RASA4B: variants seen among roughly 807,000 people sequenced by gnomAD.
RASA4B encodes RAS p21 protein activator 4B.
In RASA4B, 2 loss-of-function variants were observed where a neutral mutation model predicts 24.2. The observed-to-expected ratio is 0.08, with a 90% CI of 0.03 to 0.26. The LOEUF is 0.26. RASA4B is among the 10% of genes least tolerant of loss of function. The pLI is 1.00. For missense variants in RASA4B, 8 were observed against 277.2 expected, an observed-to-expected ratio of 0.03 and a Z score of 6.90; for synonymous variants, 2 against 125.6, an observed-to-expected ratio of 0.02 and a Z score of 6.58.
rs1405764504 is a variant in RASA4B, at chr7:102,482,039, C to CG, written c.*1552dup. 7.0e-6 allele frequency among the ~76,000 whole-genome samples: 1 copy of CG among 143,750 alleles called. No homozygotes were observed. The highest frequency in any genetic ancestry group is 1.6e-5 in the Non-Finnish European group (1 of 64,098). 94.3% of individuals were successfully genotyped at this position (143,750 alleles called of 152,430 possible). ...AGGAGGCTTTAGAGTGGGGGGCAAC[C>CG]GGGGGAGGAAGGAGGTTGGCTGAGC... On this transcript the variant is annotated 3_prime_UTR_variant, in exon 21 of 21. Transcript: ENST00000465829.
chr7:102,497,909 G>A (rs1259648865), intron 8 of RASA4B, among the ~76,000 whole-genome samples: 8 of 72,476 alleles, frequency 1.1e-4, no homozygotes, highest in Non-Finnish European at 1.2e-4. Flanking sequence ...GATGGGAACT[G>A]GGGGAATGGG....
chr7:102,481,136 CAGT>C lies in RASA4B; in HGVS notation c.*2453_*2455del, dbSNP rs1224740831. On this transcript the variant is annotated 3_prime_UTR_variant, in exon 21 of 21. Transcript: ENST00000465829. The stretch of plus-strand genomic sequence containing the variant: ...TTTTAACCATTTTAAGTGTTTAACT[CAGT>C]GGTGTTAATTACATTCACAATGTGT... Among the ~76,000 whole-genome samples the C allele has an allele frequency of 4.0e-5, 4 of 98,796 alleles. No individual in the cohort carries two copies. Among genetic ancestry groups the C allele is most frequent in the Admixed American group, 1.1e-4 (1 of 9,390 alleles). The allele number at this position is 98,796 out of a possible 152,430, so 64.8% of individuals were successfully genotyped here.
rs182807248 is a variant in RASA4B, at chr7:102,480,248, A to G, written c.*3344T>C. Among the ~76,000 whole-genome samples, 1 of 152,202 alleles carries G rather than the reference A, an allele frequency of 6.6e-6. No homozygotes were observed. The highest frequency in any genetic ancestry group is 6.6e-5 in the Admixed American group (1 of 15,246). On this transcript the variant is annotated 3_prime_UTR_variant, in exon 21 of 21. Coordinates refer to ENST00000465829, the MANE Select transcript of RASA4B (RefSeq NM_001367767.2). Reference sequence around the variant, plus strand: ...CAAGGAAAAACACCCGCTACTTAGCAGACCAGGAAAGGGAGTGTACAGTGA... The same window carrying G: ...CAAGGAAAAACACCCGCTACTTAGCGGACCAGGAAAGGGAGTGTACAGTGA...
intron 16 of RASA4B, among the ~76,000 whole-genome samples, chr7:102,491,689 C>A (rs1254086205): frequency 1.2e-5 from 1 of 80,974 alleles, no homozygotes; most frequent in Non-Finnish European, 3.4e-5. Context: ...ATCGCTTGAA[C>A]CCGGGAGGCG....
In RASA4B at chr7:102,480,219, G is replaced by T. The variant is rs1423318651; in HGVS notation, c.*3373C>A. ...CCACCGTGGTCTAGCTGTAGCGTTA[G>T]TGTCAAGGAAAAACACCCGCTACTT... On this transcript the variant is annotated 3_prime_UTR_variant, in exon 21 of 21. Transcript: ENST00000465829. Among the ~76,000 whole-genome samples, 11 of 152,140 alleles carry T rather than the reference G, an allele frequency of 7.2e-5. No individual in the cohort carries two copies. The highest frequency in any genetic ancestry group is 7.2e-4 in the Admixed American group (11 of 15,234).
chr7:102,488,140 TG>T lies in RASA4B; in HGVS notation c.2104+322del. 3.0e-5 allele frequency: 6 copies of T among 201,848 alleles called. No homozygotes were observed. In the Admixed American group the frequency reaches 3.8e-4, roughly 13 times the overall value. The allele number at this position is 201,848 out of a possible 1,614,324, so 12.5% of individuals were successfully genotyped here. On this transcript the variant is annotated intron_variant, in intron 18 of 20. Transcript: ENST00000465829. ...GAGATCGTGCCATTGCACTCCAGTC[TG>T]GGGGACAGAGTGAAAGTCTGTGTCT... is the stretch of plus-strand genomic sequence containing the variant.
chr7:102,500,500 A>T (rs1799327930), intron 8 of RASA4B, among the ~76,000 whole-genome samples, 199 bp downstream of exon 8: 1 of 143,340 alleles, frequency 7.0e-6, no homozygotes, highest in South Asian at 2.3e-4. Context: ...ATAAATAAAT[A>T]ATAAATAAAG....
chr7:102,491,754 C>T (rs1301299870), intron 16 of RASA4B, among the ~76,000 whole-genome samples: 70 of 63,226 alleles, frequency 1.1e-3, no homozygotes, highest in African/African-American at 3.0e-3. Context: ...GCAACAAAAG[C>T]GAAACTCCAT....
intron 8 of RASA4B, 133 bp from the exon 9 acceptor site, chr7:102,497,097 C>G: frequency 1.1e-6 from 1 of 937,862 alleles, no homozygotes; most frequent in East Asian, 2.7e-5. Context: ...TTCGGGTGCC[C>G]TGCATAGCTC....
At position 102,480,303 on chromosome 7, in the gene RASA4B, CA is replaced by C. The variant is rs1357123005; in HGVS notation, c.*3288del. 9.9e-5 allele frequency among the ~76,000 whole-genome samples: 15 copies of C among 152,112 alleles called. No individual in the cohort carries two copies. The highest frequency in any genetic ancestry group is 9.9e-4 in the Admixed American group (15 of 15,224). On this transcript the variant is annotated 3_prime_UTR_variant, in exon 21 of 21. Coordinates refer to ENST00000465829, the MANE Select transcript of RASA4B (RefSeq NM_001367767.2). Reference sequence around the variant, plus strand: ...AGGATGAGGGTGGTGAGGTGGTGATCAGGGGGACCCATGCTTCTGCTCAGGG... The same window carrying C: ...AGGATGAGGGTGGTGAGGTGGTGATCGGGGGACCCATGCTTCTGCTCAGGG...
chr7:102,492,683 G>C (rs1474143985), intron 16 of RASA4B, among the ~76,000 whole-genome samples: 1 of 116,872 alleles, frequency 8.6e-6, no homozygotes, highest in African/African-American at 2.9e-5. Context: ...TTTTTTTTTT[G>C]AGACGGAGTC....
intron 16 of RASA4B, among the ~76,000 whole-genome samples, chr7:102,491,546 TCA>T (rs1190564121): frequency 2.4e-4 from 14 of 57,596 alleles, no homozygotes; most frequent in South Asian, 9.2e-4. Context: ...GGAAGGCGGA[TCA>T]CCTGAGGTTG....
At chr7:102,507,232 CAAAAAAAAAAAAA>C (rs766013501) in intron 4 of RASA4B, among the ~76,000 whole-genome samples, 6 of 12,098 alleles carry the variant, frequency 5.0e-4, no homozygotes, top group Admixed American at 1.4e-3. Context: ...GACCCCATCT[CAAAAAAAAAAAAA>C]AAAAAAAAAA....
At chr7:102,507,510 C>CA (rs1163660830) in intron 4 of RASA4B, among the ~76,000 whole-genome samples, 75 of 97,660 alleles carry the variant, frequency 7.7e-4, no homozygotes, top group South Asian at 6.0e-3. Flanking sequence ...GACCCCATCT[C>CA]AAAAAAAAAA....
chr7:102,510,951 TCA>T (rs1362652178), intron 2 of RASA4B, among the ~76,000 whole-genome samples: 1 of 139,638 alleles, frequency 7.2e-6, no homozygotes, highest in Non-Finnish European at 1.6e-5. Flanking sequence ...ATCAGAGCCT[TCA>T]ACTCATGGGA....
chr7:102,510,668 G>C (rs1799660377), intron 2 of RASA4B, among the ~76,000 whole-genome samples: 1 of 148,124 alleles, frequency 6.8e-6, no homozygotes, highest in Non-Finnish European at 1.5e-5. Context: ...ACCACGCCCA[G>C]CTAATTTTGT....
At chr7:102,495,715 G>A (rs1362722718) in intron 11 of RASA4B, among the ~76,000 whole-genome samples, 1 of 10,864 alleles carries the variant, frequency 9.2e-5, no homozygotes, top group Non-Finnish European at 2.1e-4. Flanking sequence ...TTCTCTTTGG[G>A]GGGGGGGGGG....
Position 102,481,064 on chromosome 7 carries a change from T to C in RASA4B, c.*2528A>G, listed in dbSNP as rs563905831. Among the ~76,000 whole-genome samples the C allele has an allele frequency of 4.4e-5, 4 of 91,364 alleles. No individual in the cohort carries two copies. In the East Asian group the frequency reaches 9.4e-4, roughly 22 times the overall value. 59.9% of individuals were successfully genotyped at this position (91,364 alleles called of 152,430 possible). Reference sequence around the variant, plus strand: ...GCAATTGGTTAAATATCTTCTCTTTTTTATACTTTTTATTGTAGTAAAATA... The same window carrying C: ...GCAATTGGTTAAATATCTTCTCTTTCTTATACTTTTTATTGTAGTAAAATA... On this transcript the variant is annotated 3_prime_UTR_variant, in exon 21 of 21. Coordinates refer to ENST00000465829, the MANE Select transcript of RASA4B (RefSeq NM_001367767.2).
intron 4 of RASA4B, among the ~76,000 whole-genome samples, chr7:102,507,232 CAAAAAAAAAAAAAA>C (rs766013501): frequency 8.3e-5 from 1 of 12,094 alleles, no homozygotes; most frequent in African/African-American, 1.7e-4. Context: ...GACCCCATCT[CAAAAAAAAAAAAAA>C]AAAAAAAAAA....
Sources: allele counts gnomAD v4.1 joint callset (sites outside exome capture counted in the v4.1 genomes callset), GRCh38; gene constraint gnomAD v4.1.1; transcripts MANE v1.5; gene names NCBI Gene and HGNC (gene_info 2026-07-23, HGNC 2026-07-21).